WWOX: variants seen among roughly 807,000 people sequenced by gnomAD.
The protein encoded by WWOX is WW domain containing oxidoreductase.
WWOX carries 69 observed loss-of-function variants against 46.2 expected under a neutral mutation model. The ratio of observed to expected loss-of-function variants is 1.49; its 90% CI spans 1.23 to 1.82. The LOEUF (loss-of-function observed/expected upper bound fraction) is 1.82. WWOX is among the 40% of genes most tolerant of loss of function. The pLI is 0.00. For synonymous variants in WWOX, 359 were observed against 202.6 expected (o/e 1.77, Z -6.56); for missense variants, 919 against 542.6 (o/e 1.69, Z -6.89).
At position 78,926,199 on chromosome 16, in the gene WWOX, C is replaced by T. The variant is rs573931080; in HGVS notation, c.1057-285409C>T. ...GACCAGCCTGGGTAACATGGCAAAA[C>T]CTTACCTCTCAAAAATTTACAAGCT... On this transcript the variant is annotated intron_variant, in intron 8 of 8. Transcript: ENST00000566780. Among the ~76,000 whole-genome samples, 3 of 152,040 alleles carry T rather than the reference C, an allele frequency of 2.0e-5. No individual in the cohort carries two copies. The East Asian group carries it at 5.8e-4, about 30-fold the overall frequency.
chr16:78,727,739 G>T (rs1010914651), intron 8 of WWOX, among the ~76,000 whole-genome samples: 1 of 152,098 alleles, frequency 6.6e-6, no homozygotes, highest in African/African-American at 2.4e-5. Context: ...TGGACTTGGG[G>T]ATTGGACTCC....
intron 8 of WWOX, among the ~76,000 whole-genome samples, chr16:79,044,685 T>C (rs1267520187): frequency 6.6e-6 from 1 of 152,230 alleles, no homozygotes. Flanking sequence ...TAATTCTTTA[T>C]AGCAATGCAA....
chr16:78,626,287 C>T (rs923606194), intron 8 of WWOX, among the ~76,000 whole-genome samples: 9 of 152,066 alleles, frequency 5.9e-5, no homozygotes, highest in East Asian at 1.9e-4. Context: ...TGCGCCACCA[C>T]GCTCAGCTAA....
intron 8 of WWOX, among the ~76,000 whole-genome samples, chr16:78,870,102 G>C (rs913473179): frequency 1.3e-5 from 2 of 152,178 alleles, no homozygotes; most frequent in African/African-American, 4.8e-5. Context: ...TGTAAGGCCA[G>C]GCCTAAGTGC....
intron 8 of WWOX, among the ~76,000 whole-genome samples, chr16:78,859,781 C>T (rs543014534): frequency 6.6e-6 from 1 of 151,764 alleles, no homozygotes; most frequent in African/African-American, 2.4e-5. Flanking sequence ...GGATGGACAT[C>T]GATAGTTAAG....
chr16:78,300,027 G>C (rs2080012642), intron 5 of WWOX, among the ~76,000 whole-genome samples: 1 of 152,152 alleles, frequency 6.6e-6, no homozygotes, highest in Admixed American at 6.5e-5. Context: ...GGGAATCTTT[G>C]AGAAATACAG....
chr16:78,193,963 C>T (rs571838549), intron 5 of WWOX, among the ~76,000 whole-genome samples: 5 of 151,542 alleles, frequency 3.3e-5, no homozygotes, highest in Non-Finnish European at 5.9e-5. Context: ...CTGCAAGCTC[C>T]GCCTCCCGGG....
At chr16:78,908,258 G>T (rs1368922520) in intron 8 of WWOX, among the ~76,000 whole-genome samples, 1 of 152,062 alleles carries the variant, frequency 6.6e-6, no homozygotes, top group African/African-American at 2.4e-5. Flanking sequence ...AAGAGTTTAG[G>T]TCCAGGCACG....
At chr16:78,983,640 G>A (rs556974693) in intron 8 of WWOX, among the ~76,000 whole-genome samples, 1 of 152,226 alleles carries the variant, frequency 6.6e-6, no homozygotes, top group African/African-American at 2.4e-5. Flanking sequence ...TTGGCCTTGT[G>A]ACTTCCAGCC....
chr16:78,826,051 G>A (rs2051646179), intron 8 of WWOX: 6 of 438,448 alleles, frequency 1.4e-5, no homozygotes, highest in South Asian at 5.8e-5. Flanking sequence ...ATGTTGCTTT[G>A]TAAAGACATT....
At chr16:78,753,284 A>ACTCCAGCCTGGGCGACAGG (rs2049533327) in intron 8 of WWOX, among the ~76,000 whole-genome samples, 1 of 151,782 alleles carries the variant, frequency 6.6e-6, no homozygotes, top group South Asian at 2.1e-4. Context: ...TGGGCGACAG[A>ACTCCAGCCTGGGCGACAGG]CTCCAGCCTG....
chr16:78,845,597 C>T (rs1002679424), intron 8 of WWOX, among the ~76,000 whole-genome samples: 2 of 152,158 alleles, frequency 1.3e-5, no homozygotes, highest in African/African-American at 4.8e-5. Flanking sequence ...TGTGGCTTTG[C>T]TGCGTAATAG....
At chr16:78,568,505 G>T (rs561854635) in intron 8 of WWOX, among the ~76,000 whole-genome samples, 1 of 134,402 alleles carries the variant, frequency 7.4e-6, no homozygotes, top group African/African-American at 2.9e-5. Context: ...AGTTGGAGTC[G>T]CACTCTTTCA....
At chr16:78,551,896 A>T (rs946107577) in intron 8 of WWOX, 1 of 152,188 alleles carries the variant, frequency 6.6e-6, no homozygotes, top group Non-Finnish European at 1.5e-5. Flanking sequence ...TGTTTCTGTT[A>T]TGTGGTTTGC....
At chr16:78,323,144 G>T (rs1035874492) in intron 5 of WWOX, among the ~76,000 whole-genome samples, 1 of 152,070 alleles carries the variant, frequency 6.6e-6, no homozygotes, top group South Asian at 2.1e-4. Context: ...GTCTTGCTCT[G>T]TTGCCCAGGC....
intron 8 of WWOX, among the ~76,000 whole-genome samples, chr16:78,768,857 A>T (rs1206044344): frequency 6.6e-6 from 1 of 152,144 alleles, no homozygotes; most frequent in Non-Finnish European, 1.5e-5. Context: ...GTCAAAGAGA[A>T]AGGAGAGCAT....
At position 78,641,386 on chromosome 16, in the gene WWOX, A is replaced by G. The variant is rs1040122716; in HGVS notation, c.1056+208634A>G. 2.0e-5 allele frequency among the ~76,000 whole-genome samples: 3 copies of G among 152,060 alleles called. No homozygotes were observed. The South Asian group carries it at 6.2e-4, about 32-fold the overall frequency. ...CATACCCTTTAATTGCTGCACTTGT[A>G]GTGTCAGGGTTATCAATATCCGTGG... is the stretch of plus-strand genomic sequence containing the variant. On this transcript the variant is annotated intron_variant, in intron 8 of 8. Coordinates refer to ENST00000566780, the MANE Select transcript of WWOX (RefSeq NM_016373.4).
In WWOX at chr16:78,586,012, A is replaced by T. The variant is rs532147036; in HGVS notation, c.1056+153260A>T. ...AGGAGGTTAGAGACCAGCCTGGGCA[A>T]TATAGCAAGATGTCATCTCTACCAA... On this transcript the variant is annotated intron_variant, in intron 8 of 8. Transcript: ENST00000566780. Among the ~76,000 whole-genome samples, 8 of 152,112 alleles carry T rather than the reference A, an allele frequency of 5.3e-5. No homozygotes were observed. The South Asian group carries it at 1.7e-3, about 32-fold the overall frequency.
chr16:78,757,046 C>T (rs1416347141), intron 8 of WWOX: 2 of 702,802 alleles, frequency 2.8e-6, no homozygotes, highest in South Asian at 1.5e-5. Flanking sequence ...GTTGATTCTG[C>T]AGCCCTAGTT....
Sources: gnomAD v4.1 joint callset for allele counts (sites outside exome capture counted in the v4.1 genomes callset) on GRCh38, gnomAD v4.1.1 for gene constraint, MANE v1.5 for transcripts, NCBI Gene and HGNC (gene_info 2026-07-23, HGNC 2026-07-21) for gene names.